CSMD1: variants seen among roughly 807,000 people sequenced by gnomAD.
The protein encoded by CSMD1 is CUB and Sushi multiple domains 1.
A neutral mutation model predicts 417.5 loss-of-function variants in CSMD1; 213 were observed. That is an observed-to-expected ratio of 0.51 (90% CI 0.46 to 0.57). CSMD1 has a LOEUF of 0.57. Ranked by LOEUF, CSMD1 falls within the 20% of genes least tolerant of loss-of-function variation. The pLI is 0.00. For synonymous variants in CSMD1, 2,862 were observed against 1,736.8 expected (o/e 1.65, Z -16.11); for missense variants, 6,923 against 4,529.7 (o/e 1.53, Z -15.17).
intron 1 of CSMD1, among the ~76,000 whole-genome samples, chr8:4,816,148 G>C (rs1323815641): frequency 2.6e-5 from 4 of 152,052 alleles, no homozygotes; most frequent in Admixed American, 2.0e-4. Context: ...CTGAGGCTTT[G>C]CATGCTTTGG....
chr8:4,086,344 C>G (rs948612249), intron 3 of CSMD1, among the ~76,000 whole-genome samples: 4 of 152,150 alleles, frequency 2.6e-5, no homozygotes, highest in Non-Finnish European at 1.5e-5. Context: ...AGCACTAATT[C>G]TTTAATACTG....
chr8:4,688,468 T>G (rs1278721025), intron 1 of CSMD1, among the ~76,000 whole-genome samples: 3 of 152,116 alleles, frequency 2.0e-5, no homozygotes, highest in African/African-American at 7.2e-5. Context: ...CCAGCAGGCG[T>G]AAGCACTTGT....
chr8:4,139,417 T>G (rs927542711), intron 3 of CSMD1, among the ~76,000 whole-genome samples: 4 of 144,496 alleles, frequency 2.8e-5, no homozygotes, highest in Non-Finnish European at 5.9e-5. Flanking sequence ...TGCTAAGCAC[T>G]GGAGGTAAAG....
rs11776520 is a variant in CSMD1, at chr8:3,763,760, G to C, written c.819-9718C>G. The stretch of plus-strand genomic sequence containing the variant: ...AACTAGATAAGTGAGGAGATAAATG[G>C]TGGTAGGACAATGACCAGGGCTCCA... On this transcript the variant is annotated intron_variant, in intron 5 of 69. Transcript: ENST00000635120. Among the ~76,000 whole-genome samples, 717 of 152,108 alleles carry C rather than the reference G, an allele frequency of 4.7e-3. 3 individuals are homozygous for C. The highest frequency in any genetic ancestry group is 0.016 in the African/African-American group (675 of 41,492).
chr8:4,853,844 T>C (rs973442658), intron 1 of CSMD1, among the ~76,000 whole-genome samples: 7 of 152,212 alleles, frequency 4.6e-5, no homozygotes, highest in African/African-American at 1.7e-4. Context: ...CTCCTTGCAG[T>C]AGTGTGACCT....
At chr8:3,749,316 G>T (rs577028873) in intron 6 of CSMD1, among the ~76,000 whole-genome samples, 1 of 152,120 alleles carries the variant, frequency 6.6e-6, no homozygotes, top group Admixed American at 6.5e-5. Context: ...TATATTGTGG[G>T]TTTTTCCCCT....
intron 4 of CSMD1, among the ~76,000 whole-genome samples, chr8:4,018,530 C>G (rs1176912391): frequency 6.6e-6 from 1 of 152,182 alleles, no homozygotes; most frequent in African/African-American, 2.4e-5. Context: ...TTCCCTCTCT[C>G]TGGGACCAGC....
intron 5 of CSMD1, among the ~76,000 whole-genome samples, chr8:3,772,312 C>CATAT (rs1563063893): frequency 4.3e-5 from 2 of 46,502 alleles, no homozygotes; most frequent in African/African-American, 2.5e-4. Flanking sequence ...TATATTTAGA[C>CATAT]ATACATATGT....
chr8:4,091,006 C>G (rs1275129421), intron 3 of CSMD1, among the ~76,000 whole-genome samples: 1 of 151,716 alleles, frequency 6.6e-6, no homozygotes, highest in East Asian at 1.9e-4. Flanking sequence ...GCAACCTCCA[C>G]CTCCTGGGTT....
At chr8:4,759,275 C>A (rs533643495) in intron 1 of CSMD1, among the ~76,000 whole-genome samples, 1 of 152,096 alleles carries the variant, frequency 6.6e-6, no homozygotes, top group Non-Finnish European at 1.5e-5. Flanking sequence ...AAGGATGCCA[C>A]CAGGGAAGGA....
intron 1 of CSMD1, among the ~76,000 whole-genome samples, chr8:4,742,881 G>A (rs1157776357): frequency 6.6e-6 from 1 of 152,030 alleles, no homozygotes; most frequent in Non-Finnish European, 1.5e-5. Context: ...GTTTATAAGA[G>A]ACATGTCTAT....
rs1038847679 is a variant in CSMD1, at chr8:3,734,430, G to T, written c.931+19500C>A. ...GCTCAATTTAAAATACAGAAACTCTGCCAGGTGCGATGGCTCACGCCTGTA... is the reference window on the plus strand; with the variant it reads ...GCTCAATTTAAAATACAGAAACTCTTCCAGGTGCGATGGCTCACGCCTGTA... On this transcript the variant is annotated intron_variant, in intron 6 of 69. Coordinates refer to ENST00000635120, the MANE Select transcript of CSMD1 (RefSeq NM_033225.6). Among the ~76,000 whole-genome samples, 7 of 152,200 alleles carry T rather than the reference G, an allele frequency of 4.6e-5. No homozygotes were observed. The East Asian group carries it at 1.4e-3, about 29-fold the overall frequency.
intron 3 of CSMD1, among the ~76,000 whole-genome samples, chr8:4,066,677 T>C (rs1211220804): frequency 6.6e-6 from 1 of 152,212 alleles, no homozygotes; most frequent in African/African-American, 2.4e-5. Flanking sequence ...AGAACATTTC[T>C]ATTCTATCCA....
chr8:4,574,996 T>C (rs1799072597), intron 2 of CSMD1, among the ~76,000 whole-genome samples: 1 of 152,212 alleles, frequency 6.6e-6, no homozygotes, highest in Non-Finnish European at 1.5e-5. Flanking sequence ...TTTAATATTG[T>C]GCTTCCTCAG....
At chr8:4,246,147 T>C (rs1802696737) in intron 3 of CSMD1, among the ~76,000 whole-genome samples, 1 of 152,180 alleles carries the variant, frequency 6.6e-6, no homozygotes, top group Non-Finnish European at 1.5e-5. Context: ...CTAGTACCCA[T>C]TATTTTCCTG....
rs117973904 is a variant in CSMD1 at position 4,143,266 on chromosome 8, C to G, written c.416-111167G>C. 3.6e-3 allele frequency among the ~76,000 whole-genome samples: 539 copies of G among 151,092 alleles called. 9 individuals are homozygous for G. Among genetic ancestry groups the G allele is most frequent in the Non-Finnish European group, 5.6e-3 (380 of 68,010 alleles). ...TTAGCACTATCTTTTTCCATTTGTC[C>G]TCAAAGAAATTTCTCCTTCAGGCCA... On this transcript the variant is annotated intron_variant, in intron 3 of 69. Coordinates refer to ENST00000635120, the MANE Select transcript of CSMD1 (RefSeq NM_033225.6).
intron 12 of CSMD1, among the ~76,000 whole-genome samples, chr8:3,419,522 G>C (rs1223722309): frequency 1.3e-5 from 2 of 152,166 alleles, no homozygotes; most frequent in Non-Finnish European, 1.5e-5. Context: ...ATTTGTGTTT[G>C]CCTGTCAGGA....
At chr8:3,949,949 T>C (rs1016424985) in intron 5 of CSMD1, 1 of 455,368 alleles carries the variant, frequency 2.2e-6, no homozygotes, top group Admixed American at 2.4e-5. Flanking sequence ...CATGGAGAGG[T>C]TCATGCCAGC....
At chr8:4,707,257 G>C (rs1056426960) in intron 1 of CSMD1, among the ~76,000 whole-genome samples, 1 of 152,144 alleles carries the variant, frequency 6.6e-6, no homozygotes, top group African/African-American at 2.4e-5. Flanking sequence ...AACGGTCCTA[G>C]GAGGTAAGGA....
Sources: allele counts gnomAD v4.1 joint callset (sites outside exome capture counted in the v4.1 genomes callset), GRCh38; gene constraint gnomAD v4.1.1; transcripts MANE v1.5; gene names NCBI Gene and HGNC (gene_info 2026-07-23, HGNC 2026-07-21).